The following LRP1B variants were observed in gnomAD, a reference collection of about 807,000 sequenced individuals.
LRP1B encodes the protein LDL receptor related protein 1B, also known as low-density lipoprotein receptor-related protein 1B.
A neutral mutation model predicts 556.6 loss-of-function variants in LRP1B; 217 were observed. That is an observed-to-expected ratio of 0.39 (90% confidence interval 0.35 to 0.44). The LOEUF is 0.44. LRP1B is among the 20% of genes least tolerant of loss of function. The pLI is 1.00. For synonymous variants in LRP1B, 2,047 were observed against 1,865.8 expected, an observed-to-expected ratio of 1.10 and a Z score of -2.50; for missense variants, 5,053 against 5,620.8, an observed-to-expected ratio of 0.90 and a Z score of 3.23.
chr2:140,362,880 C>T (rs1198270434), intron 72 of LRP1B, among the ~76,000 whole-genome samples: 1 of 151,514 alleles, frequency 6.6e-6, no homozygotes, highest in Non-Finnish European at 1.5e-5. Flanking sequence ...AGATTCTAAG[C>T]TCTGTGAGGT....
Position 140,828,416 on chromosome 2 carries a change from T to G in LRP1B, c.5209+11575A>C, listed in dbSNP as rs1329776755. Among the ~76,000 whole-genome samples the G allele has an allele frequency of 1.4e-3, 212 of 149,576 alleles. 2 individuals are homozygous for G. The highest frequency in any genetic ancestry group is 4.9e-3 in the African/African-American group (199 of 40,838). ...CGAGGTCAGGAGATCGAGACCATCC[T>G]GGCTAACACGGTGAAACCCCGTCTC... On this transcript the variant is annotated intron_variant, in intron 31 of 90. Transcript: ENST00000389484.
intron 2 of LRP1B, among the ~76,000 whole-genome samples, chr2:141,596,216 C>A (rs533997484): frequency 6.6e-6 from 1 of 151,468 alleles, no homozygotes; most frequent in African/African-American, 2.4e-5. Context: ...GAAAATAAAG[C>A]AAAATATGTT....
At chr2:141,446,527 T>C (rs1681199055) in intron 3 of LRP1B, among the ~76,000 whole-genome samples, 1 of 152,234 alleles carries the variant, frequency 6.6e-6, no homozygotes, top group Non-Finnish European at 1.5e-5. Context: ...CAATTTGGTA[T>C]GTTTTTGCCA....
At position 141,263,682 on chromosome 2, in the gene LRP1B, A is replaced by T. The variant is rs187235885; in HGVS notation, c.344-9041T>A. ...GAGGCTGGAATTACCCCAATCCACA[A>T]ATCATATAAATGCATTAAAGAAAAA... On this transcript the variant is annotated intron_variant, in intron 3 of 90. Coordinates refer to ENST00000389484, the MANE Select transcript of LRP1B (RefSeq NM_018557.3). 2.9e-3 allele frequency among the ~76,000 whole-genome samples: 449 copies of T among 152,238 alleles called. 2 individuals carry two copies. Among genetic ancestry groups the T allele is most frequent in the African/African-American group, 9.9e-3 (412 of 41,566 alleles).
At chr2:140,806,908 C>T (rs1170530706) in intron 32 of LRP1B, among the ~76,000 whole-genome samples, 1 of 152,192 alleles carries the variant, frequency 6.6e-6, no homozygotes, top group Non-Finnish European at 1.5e-5. Flanking sequence ...CTCTTATCTC[C>T]ATGAATTGAT....
intron 31 of LRP1B, among the ~76,000 whole-genome samples, chr2:140,825,703 A>T (rs1407829694): frequency 4.0e-5 from 6 of 150,894 alleles, no homozygotes; most frequent in African/African-American, 7.3e-5. Flanking sequence ...CAATTGTGGA[A>T]TTTTTTTTTT....
At chr2:141,298,056 T>C (rs538237232) in intron 3 of LRP1B, among the ~76,000 whole-genome samples, 2 of 152,292 alleles carry the variant, frequency 1.3e-5, no homozygotes, top group Admixed American at 6.5e-5. Flanking sequence ...TATATGGTGA[T>C]TTATGTGACT....
intron 7 of LRP1B, among the ~76,000 whole-genome samples, chr2:141,136,228 G>GT (rs1701489428): frequency 6.6e-6 from 1 of 151,968 alleles, no homozygotes; most frequent in Admixed American, 6.6e-5. Context: ...GCTGCTGAGA[G>GT]TTTCACAGAG....
chr2:140,603,322 T>C (rs1351465728), intron 41 of LRP1B, among the ~76,000 whole-genome samples: 1 of 152,060 alleles, frequency 6.6e-6, no homozygotes, highest in Non-Finnish European at 1.5e-5. Flanking sequence ...TTGGAGTGAG[T>C]GGAAGAAAAG....
intron 2 of LRP1B, among the ~76,000 whole-genome samples, chr2:141,541,715 G>A (rs1453745323): frequency 1.3e-5 from 2 of 151,818 alleles, no homozygotes; most frequent in Non-Finnish European, 2.9e-5. Context: ...TACGTCTCTG[G>A]CTAAAATAAA....
At chr2:141,794,871 G>A (rs1425834051) in intron 2 of LRP1B, among the ~76,000 whole-genome samples, 1 of 151,978 alleles carries the variant, frequency 6.6e-6, no homozygotes, top group Non-Finnish European at 1.5e-5. Context: ...AAGGAACATT[G>A]CATTTTGGGA....
chr2:142,130,590 C>T (rs113237568), intron 1 of LRP1B, 58 bp downstream of exon 1: 2 of 1,416,378 alleles, frequency 1.4e-6, no homozygotes, highest in African/African-American at 1.4e-5. Context: ...CTGCAAGCAT[C>T]GCCCAGCAGG....
chr2:141,209,151 T>C (rs768243927), intron 6 of LRP1B, among the ~76,000 whole-genome samples: 1 of 152,104 alleles, frequency 6.6e-6, no homozygotes, highest in Non-Finnish European at 1.5e-5. Flanking sequence ...ACTGATACTG[T>C]TTGGTTCTGT....
At chr2:141,709,869 T>C (rs1250501880) in intron 2 of LRP1B, among the ~76,000 whole-genome samples, 1 of 152,046 alleles carries the variant, frequency 6.6e-6, no homozygotes, top group East Asian at 1.9e-4. Flanking sequence ...TTCTCACAGA[T>C]CTGGAGGCTG....
At chr2:140,896,905 ATG>A (rs1171641107) in intron 23 of LRP1B, among the ~76,000 whole-genome samples, 4 of 152,342 alleles carry the variant, frequency 2.6e-5, no homozygotes, top group Non-Finnish European at 4.4e-5. Context: ...AAAACAGAAA[ATG>A]AGCAAGAAAG....
Position 141,055,230 on chromosome 2 carries a change from A to G in LRP1B, c.1438T>C (p.Tyr480His). 1 of 1,611,262 alleles carries G rather than the reference A, an allele frequency of 6.2e-7. No individual in the cohort carries two copies. ...VRSHACEVDP[Y>H]GMPGGCSHIC... is the part of the protein sequence containing the mutation. ...TGTGAACAGCCCCCTGGCATTCCAT[A>G]TGGATCGACTTCACATGCATGGCTT... Residue 480 changes from tyrosine to histidine, a missense_variant, in exon 10 of 91, where the codon TAT becomes CAT. By Grantham distance (83) the Tyr-to-His change is moderately conservative. This residue lies in a region of LRP1B where 3,619 missense variants were observed against 3,931.9 expected (regional missense o/e 0.92). Transcript: ENST00000389484.
At chr2:140,262,273 G>A (rs1320682012) in intron 86 of LRP1B, among the ~76,000 whole-genome samples, 3 of 152,018 alleles carry the variant, frequency 2.0e-5, no homozygotes, top group Non-Finnish European at 4.4e-5. Flanking sequence ...AAAAATAAAA[G>A]CTAGTTTTAA....
At chr2:140,358,377 G>A (rs1307334662) in intron 73 of LRP1B, among the ~76,000 whole-genome samples, 1 of 151,546 alleles carries the variant, frequency 6.6e-6, no homozygotes, top group Non-Finnish European at 1.5e-5. Flanking sequence ...TTTTTTTAGA[G>A]GGTGATATTA....
intron 41 of LRP1B, among the ~76,000 whole-genome samples, chr2:140,602,895 T>C (rs1682728306): frequency 6.6e-6 from 1 of 152,042 alleles, no homozygotes; most frequent in African/African-American, 2.4e-5. Context: ...GTTTGTGTCA[T>C]AATTTTCCAT....
Sources: gnomAD v4.1 joint callset for allele counts (sites outside exome capture counted in the v4.1 genomes callset) on GRCh38, gnomAD v4.1.1 for gene constraint, gnomAD v4.1.1 regional missense constraint, MANE v1.5 for transcripts, NCBI Gene and HGNC (gene_info 2026-07-23, HGNC 2026-07-21) for gene names.